The following SKP2 variants were observed in gnomAD, a reference collection of about 807,000 sequenced individuals.
SKP2 encodes S-phase kinase-associated protein 2.
SKP2 carries 16 observed loss-of-function variants against 51.8 expected under a neutral mutation model. The observed-to-expected ratio is 0.31, with a 90% CI of 0.21 to 0.47. SKP2 has a LOEUF of 0.47. Among genes scored for constraint, SKP2 ranks in the 20% least tolerant of loss-of-function variants. SKP2 has a pLI of 1.00. For synonymous variants in SKP2, 176 were observed against 198.6 expected (o/e 0.89, Z 0.96); for missense variants, 377 against 505.3 (o/e 0.75, Z 2.43).
chr5:36,171,426 C>G (rs1745468670), intron 6 of SKP2, among the ~76,000 whole-genome samples, 177 bp from the exon 7 acceptor site: 1 of 152,170 alleles, frequency 6.6e-6, no homozygotes, highest in Non-Finnish European at 1.5e-5. Flanking sequence ...TGGCAACTTT[C>G]AGGGGCAAAC....
Position 36,161,308 on chromosome 5 carries a change from A to T in SKP2, c.281-2337A>T, listed in dbSNP as rs1212714452. 3.3e-5 allele frequency among the ~76,000 whole-genome samples: 5 copies of T among 149,336 alleles called. No homozygotes were observed. The East Asian group carries it at 9.9e-4, about 30-fold the overall frequency. On this transcript the variant is annotated intron_variant, in intron 2 of 9. Transcript: ENST00000274255. ...AAAAATTGTTAAAAAAAAAAAAAAA[A>T]GCGTTTTTGTTTCTCAAGAGCTCCT...
intron 3 of SKP2, among the ~76,000 whole-genome samples, chr5:36,165,282 G>A (rs1011737328): frequency 2.0e-5 from 3 of 152,120 alleles, no homozygotes; most frequent in Admixed American, 6.6e-5. Flanking sequence ...CTAACTCCAC[G>A]GTCTTAACCA....
At chr5:36,155,296 A>C (rs1412086998) in intron 2 of SKP2, 1 of 152,190 alleles carries the variant, frequency 6.6e-6, no homozygotes, top group African/African-American at 2.4e-5. Flanking sequence ...TGGTCTGGGA[A>C]TATACATCAG....
At chr5:36,186,505 A>G (rs1745956983), downstream of SKP2, among the ~76,000 whole-genome samples, 1 of 152,128 alleles carries the variant, frequency 6.6e-6, no homozygotes, top group Admixed American at 6.5e-5. Flanking sequence ...TGAGATAATC[A>G]TGTGGTTTTT....
downstream of SKP2, among the ~76,000 whole-genome samples, chr5:36,188,530 TTTTC>T (rs528229216): frequency 6.6e-5 from 10 of 152,336 alleles, no homozygotes; most frequent in East Asian, 1.7e-3. Flanking sequence ...TTGAAAATTC[TTTTC>T]TTTAAGAATG....
intron 6 of SKP2, among the ~76,000 whole-genome samples, chr5:36,190,661 G>T (rs1746000971): frequency 5.5e-5 from 4 of 72,442 alleles, no homozygotes; most frequent in East Asian, 4.3e-4. Context: ...TTTTTTAAAT[G>T]ATGAAAAACG....
chr5:36,188,432 G>C (rs991687945), downstream of SKP2, among the ~76,000 whole-genome samples: 3 of 152,168 alleles, frequency 2.0e-5, no homozygotes, highest in Admixed American at 2.0e-4. Context: ...CTGGTGGCGA[G>C]AAAATCTCTC....
intron 6 of SKP2, among the ~76,000 whole-genome samples, chr5:36,191,475 T>C (rs979515906): frequency 8.5e-5 from 13 of 152,104 alleles, no homozygotes; most frequent in Non-Finnish European, 1.9e-4. Context: ...TCTGTTTCAT[T>C]TTCACTGCTG....
intron 2 of SKP2, among the ~76,000 whole-genome samples, chr5:36,156,770 G>A (rs1048593855): frequency 4.6e-5 from 7 of 152,116 alleles, no homozygotes; most frequent in Admixed American, 3.3e-4. Context: ...TAAAGTGGTT[G>A]TCAGACTGGA....
At position 36,183,856 on chromosome 5, in the gene SKP2, G is replaced by C; in HGVS notation, c.*1825G>C. ...TGTTTACAGATTAGTGACAAGAGCTGGGGTTAGGATCCGGTTGGACTCTGA... is the reference window on the plus strand; with the variant it reads ...TGTTTACAGATTAGTGACAAGAGCTCGGGTTAGGATCCGGTTGGACTCTGA... On this transcript the variant is annotated 3_prime_UTR_variant, in exon 10 of 10. Transcript: ENST00000274255. 6.2e-7 allele frequency: 1 copy of C among 1,603,974 alleles called. No homozygotes were observed. Among genetic ancestry groups the C allele is most frequent in the Non-Finnish European group, 8.5e-7 (1 of 1,177,820 alleles).
At chr5:36,177,076 T>C in intron 8 of SKP2, 60 bp downstream of exon 8, 1 of 1,373,960 alleles carries the variant, frequency 7.3e-7, no homozygotes, top group South Asian at 1.2e-5. Context: ...TCTCATTAAA[T>C]TGGGAAAGGA....
chr5:36,180,098 GTCC>G (rs1012760134), intron 9 of SKP2: 11 of 441,538 alleles, frequency 2.5e-5, no homozygotes, highest in African/African-American at 1.2e-4. Context: ...GCAAGAACAT[GTCC>G]TCCTCTGCCA....
intron 9 of SKP2, among the ~76,000 whole-genome samples, chr5:36,181,220 T>C (rs536781437): frequency 1.3e-5 from 2 of 152,276 alleles, no homozygotes; most frequent in South Asian, 4.1e-4. Flanking sequence ...TCACCCATTG[T>C]CTCTACCTGT....
At chr5:36,153,454 C>T (rs1744825445) in intron 2 of SKP2, among the ~76,000 whole-genome samples, 1 of 152,130 alleles carries the variant, frequency 6.6e-6, no homozygotes, top group African/African-American at 2.4e-5. Flanking sequence ...TATCAGTGGA[C>T]TGCGAAGTGA....
At chr5:36,176,215 A>C (rs932114468) in intron 7 of SKP2, among the ~76,000 whole-genome samples, 1 of 151,678 alleles carries the variant, frequency 6.6e-6, no homozygotes, top group African/African-American at 2.4e-5. Context: ...GTTCATGTTC[A>C]TTGCCTATTT....
chr5:36,190,303 G>GC (rs1268194294), intron 6 of SKP2, among the ~76,000 whole-genome samples: 2 of 152,110 alleles, frequency 1.3e-5, no homozygotes, highest in Non-Finnish European at 2.9e-5. Context: ...CCCGTATTCT[G>GC]CGTCGCTCAC....
downstream of SKP2, among the ~76,000 whole-genome samples, chr5:36,188,126 T>C (rs565606540): frequency 6.6e-6 from 1 of 152,224 alleles, no homozygotes; most frequent in African/African-American, 2.4e-5. Context: ...TATGTGTATC[T>C]CTGCACGTGA....
At chr5:36,170,703 A>G (rs917267034) in intron 6 of SKP2, among the ~76,000 whole-genome samples, 1 of 138,610 alleles carries the variant, frequency 7.2e-6, no homozygotes, top group Non-Finnish European at 1.5e-5. Context: ...AGTAGTGTCT[A>G]TCAACAGTAT....
intron 2 of SKP2, among the ~76,000 whole-genome samples, chr5:36,156,655 G>T (rs1365198316): frequency 6.6e-6 from 1 of 152,166 alleles, no homozygotes; most frequent in African/African-American, 2.4e-5. Context: ...TGAAATGCTT[G>T]TCCCCCACCC....
Sources: gnomAD v4.1 joint callset for allele counts (sites outside exome capture counted in the v4.1 genomes callset) on GRCh38, gnomAD v4.1.1 for gene constraint, MANE v1.5 for transcripts, NCBI Gene and HGNC (gene_info 2026-07-23, HGNC 2026-07-21) for gene names.